The following PTPRN2 variants were observed in gnomAD, a reference collection of about 807,000 sequenced individuals.
PTPRN2 encodes receptor-type tyrosine-protein phosphatase N2.
In PTPRN2, 74 loss-of-function variants were observed where a neutral mutation model predicts 118.8. The observed-to-expected ratio is 0.62, with a 90% CI of 0.52 to 0.76. The LOEUF is 0.76. Among genes scored for constraint, PTPRN2 ranks in the 30% least tolerant of loss-of-function variants. The pLI is 0.00. For synonymous variants in PTPRN2, 641 were observed against 608.0 expected, an observed-to-expected ratio of 1.05 and a Z score of -0.80; for missense variants, 1,481 against 1,394.4, an observed-to-expected ratio of 1.06 and a Z score of -0.99.
intron 11 of PTPRN2, among the ~76,000 whole-genome samples, chr7:157,983,996 C>T (rs1803517647): frequency 6.6e-6 from 1 of 152,128 alleles, no homozygotes; most frequent in Non-Finnish European, 1.5e-5. Context: ...GCGAGCATCT[C>T]TTCCTGACTC....
intron 12 of PTPRN2, among the ~76,000 whole-genome samples, chr7:157,684,549 C>T (rs1035926608): frequency 1.3e-4 from 20 of 151,868 alleles, no homozygotes; most frequent in African/African-American, 3.9e-4. Context: ...TCGCCCTTCG[C>T]GTGGAGATCC....
At chr7:158,371,070 G>A (rs938183665) in intron 2 of PTPRN2, among the ~76,000 whole-genome samples, 13 of 152,246 alleles carry the variant, frequency 8.5e-5, no homozygotes, top group East Asian at 3.9e-4. Context: ...AATCTCACTC[G>A]GTCATAACGA....
rs1176431898 is a variant in PTPRN2 at position 157,861,850 on chromosome 7, G to A, written c.1788+36823C>T. Among the ~76,000 whole-genome samples the A allele has an allele frequency of 6.6e-6, 1 of 151,998 alleles. No homozygotes were observed. The highest frequency in any genetic ancestry group is 1.5e-5 in the Non-Finnish European group (1 of 67,998). The stretch of plus-strand genomic sequence containing the variant: ...TCCGTCGCAGGGACACGGATGCTTC[G>A]AGGACTCTGTGTGCCGGAGTCTGTC... On this transcript the variant is annotated intron_variant, in intron 12 of 22. Coordinates refer to ENST00000389418, the MANE Select transcript of PTPRN2 (RefSeq NM_002847.5). The surrounding 1 kb of genome is among the most constrained non-coding windows in gnomAD (Gnocchi z 5.8).
At chr7:158,216,885 T>C (rs1461095239) in intron 3 of PTPRN2, among the ~76,000 whole-genome samples, 2 of 152,176 alleles carry the variant, frequency 1.3e-5, no homozygotes, top group East Asian at 1.9e-4. Flanking sequence ...ATTATAATCA[T>C]TCAGAGTGTG....
At chr7:158,199,422 G>C (rs1006723422) in intron 4 of PTPRN2, among the ~76,000 whole-genome samples, 4 of 152,228 alleles carry the variant, frequency 2.6e-5, no homozygotes, top group Non-Finnish European at 4.4e-5. Context: ...TGTGGGAAGA[G>C]AAGAACCAGC....
At chr7:158,383,187 T>C (rs917354592) in intron 2 of PTPRN2, among the ~76,000 whole-genome samples, 2 of 152,190 alleles carry the variant, frequency 1.3e-5, no homozygotes, top group African/African-American at 4.8e-5. Flanking sequence ...ACACACCTCA[T>C]GCAGAACTCT....
chr7:158,021,646 C>A (rs1157759284), intron 11 of PTPRN2, among the ~76,000 whole-genome samples: 1 of 152,088 alleles, frequency 6.6e-6, no homozygotes, highest in African/African-American at 2.4e-5. Context: ...AGAGCCAGCC[C>A]TGCCCACATC....
intron 12 of PTPRN2, among the ~76,000 whole-genome samples, chr7:157,856,950 T>A (rs1807810597): frequency 6.6e-6 from 1 of 152,184 alleles, no homozygotes; most frequent in Non-Finnish European, 1.5e-5. Flanking sequence ...TATTCTCAAA[T>A]TTTTCTCCAA....
chr7:158,208,784 ACTG>A (rs1369906952), intron 3 of PTPRN2, among the ~76,000 whole-genome samples: 1 of 152,218 alleles, frequency 6.6e-6, no homozygotes, highest in Non-Finnish European at 1.5e-5. Context: ...TGGTGTGTAA[ACTG>A]CTCATATCTG....
chr7:158,336,406 T>A lies in PTPRN2; in HGVS notation c.164-19474A>T, dbSNP rs1465609169. Among the ~76,000 whole-genome samples the A allele has an allele frequency of 7.6e-5, 9 of 118,806 alleles. 1 individual carries two copies. In the East Asian group the frequency reaches 2.5e-3, roughly 33 times the overall value. The allele number at this position is 118,806 out of a possible 152,430, so 77.9% of individuals were successfully genotyped here. On this transcript the variant is annotated intron_variant, in intron 2 of 22. Coordinates refer to ENST00000389418, the MANE Select transcript of PTPRN2 (RefSeq NM_002847.5). ...GCAGACGTCACTCACACCCACACTC[T>A]CACAATAATTGGTGACACCTGCAGA...
chr7:158,329,098 G>A (rs980662713), intron 2 of PTPRN2, among the ~76,000 whole-genome samples: 5 of 152,212 alleles, frequency 3.3e-5, no homozygotes, highest in Admixed American at 1.3e-4. Flanking sequence ...ATCCAGCGGC[G>A]CACAGCCCAC....
intron 6 of PTPRN2, among the ~76,000 whole-genome samples, chr7:158,155,137 T>C (rs951620082): frequency 2.6e-5 from 4 of 152,340 alleles, no homozygotes; most frequent in Admixed American, 2.0e-4. Flanking sequence ...TTACACAAAA[T>C]GTCAGGATAT....
chr7:157,609,554 A>T lies in PTPRN2; in HGVS notation c.2345-5479T>A, dbSNP rs962853064. On this transcript the variant is annotated intron_variant, in intron 15 of 22. Transcript: ENST00000389418. This position sits in a 1 kb window ranked among gnomAD's most constrained non-coding sequence, Gnocchi z 4.9. ...TTAGGCTGAAGAAACTAAGACTCAT[A>T]AGGATGGAACGATTCACGTGGCCAC... is the stretch of plus-strand genomic sequence containing the variant. 1.1e-4 allele frequency among the ~76,000 whole-genome samples: 17 copies of T among 152,204 alleles called. No individual in the cohort carries two copies. The highest frequency in any genetic ancestry group is 3.3e-4 in the Admixed American group (5 of 15,284).
At chr7:157,555,747 C>T (rs1301422029) in intron 21 of PTPRN2, among the ~76,000 whole-genome samples, 1 of 152,182 alleles carries the variant, frequency 6.6e-6, no homozygotes, top group African/African-American at 2.4e-5. Context: ...AGAGAGAGGC[C>T]TTTACTTGCA....
Position 158,522,387 on chromosome 7 carries a change from C to T in PTPRN2, c.113-32602G>A, listed in dbSNP as rs372165231. Among the ~76,000 whole-genome samples, 20 of 141,730 alleles carry T rather than the reference C, an allele frequency of 1.4e-4. 3 individuals carry two copies. Among genetic ancestry groups the T allele is most frequent in the African/African-American group, 4.5e-4 (17 of 38,004 alleles). The allele number at this position is 141,730 out of a possible 152,430, so 93.0% of individuals were successfully genotyped here. A position where few individuals can be genotyped will look rare whatever the true frequency, so the allele number is the denominator to read the frequency against. ...GGTGCTGGCTCGGGAGGGAGGTCCA[C>T]GTCACAATGGTGGACTGTCCAGGTG... On this transcript the variant is annotated intron_variant, in intron 1 of 22. Transcript: ENST00000389418.
intron 9 of PTPRN2, among the ~76,000 whole-genome samples, chr7:158,114,552 G>C (rs1194328106): frequency 6.6e-6 from 1 of 152,214 alleles, no homozygotes; most frequent in Non-Finnish European, 1.5e-5. Context: ...CTGAGCACTT[G>C]TGGTACCAGG....
At chr7:158,312,228 C>G (rs1235040278) in intron 3 of PTPRN2, among the ~76,000 whole-genome samples, 1 of 21,414 alleles carries the variant, frequency 4.7e-5, no homozygotes, top group Non-Finnish European at 1.3e-4. Context: ...TCACAGACAC[C>G]CACACACATG....
intron 4 of PTPRN2, among the ~76,000 whole-genome samples, chr7:158,196,059 C>T (rs550078979): frequency 1.3e-5 from 2 of 152,246 alleles, no homozygotes; most frequent in South Asian, 4.1e-4. Context: ...GGCATTCTAC[C>T]CAATTATCTG....
chr7:157,648,361 C>T (rs1214501457), intron 14 of PTPRN2, among the ~76,000 whole-genome samples: 1 of 91,444 alleles, frequency 1.1e-5, no homozygotes, highest in African/African-American at 3.9e-5. Context: ...CTCGGTGGGT[C>T]AGACCCATCC....
Sources: allele counts gnomAD v4.1 joint callset (sites outside exome capture counted in the v4.1 genomes callset), GRCh38; gene constraint gnomAD v4.1.1; non-coding constraint Gnocchi (gnomAD v3.1); transcripts MANE v1.5; gene names NCBI Gene and HGNC (gene_info 2026-07-23, HGNC 2026-07-21).